Variants in TMEM132B observed in about 807,000 individuals in gnomAD.
TMEM132B encodes transmembrane protein 132B.
Under a neutral mutation model 90.8 loss-of-function variants are expected in TMEM132B, and 18 were observed. The ratio of observed to expected loss-of-function variants is 0.20; its 90% CI spans 0.14 to 0.29. The LOEUF is 0.29. TMEM132B is among the 10% of genes least tolerant of loss of function. TMEM132B has a pLI of 1.00. For missense variants in TMEM132B, 1,096 were observed against 1,326.8 expected, an observed-to-expected ratio of 0.83 and a Z score of 2.70; for synonymous variants, 504 against 523.3, an observed-to-expected ratio of 0.96 and a Z score of 0.50.
chr12:125,482,211 A>G (rs992368827), intron 3 of TMEM132B, among the ~76,000 whole-genome samples: 4 of 152,252 alleles, frequency 2.6e-5, no homozygotes, highest in African/African-American at 9.6e-5. Flanking sequence ...CTTCATGACT[A>G]AAACACCAAA....
chr12:125,231,597 G>A (rs1873825318), intron 1 of TMEM132B, among the ~76,000 whole-genome samples: 1 of 152,072 alleles, frequency 6.6e-6, no homozygotes, highest in Non-Finnish European at 1.5e-5. Context: ...TTTAGTGGTG[G>A]AACTCTTTTC....
At chr12:125,493,328 A>G (rs886147428) in intron 3 of TMEM132B, among the ~76,000 whole-genome samples, 1 of 152,152 alleles carries the variant, frequency 6.6e-6, no homozygotes, top group African/African-American at 2.4e-5. Flanking sequence ...TGCCCTCCAG[A>G]ATTTCCCAGG....
chr12:125,463,330 A>G (rs1881486716), intron 3 of TMEM132B, among the ~76,000 whole-genome samples: 1 of 152,172 alleles, frequency 6.6e-6, no homozygotes, highest in Admixed American at 6.5e-5. Context: ...TTTTATTGTC[A>G]CAATAGGGAT....
intron 1 of TMEM132B, among the ~76,000 whole-genome samples, chr12:125,320,901 G>A (rs1876410825): frequency 6.6e-6 from 1 of 152,128 alleles, no homozygotes; most frequent in African/African-American, 2.4e-5. Flanking sequence ...AATGTTTTTG[G>A]TAAATTTTCA....
Position 125,650,725 on chromosome 12 carries a change from G to C in TMEM132B, c.1686G>C (p.Lys562Asn). 6.2e-7 allele frequency: 1 copy of C among 1,613,032 alleles called. No homozygotes were observed. The highest frequency in any genetic ancestry group is 8.5e-7 in the Non-Finnish European group (1 of 1,179,018). Residue 562 changes from lysine to asparagine, a missense_variant, in exon 7 of 9, where the codon AAG becomes AAC. Lys to Asn is a moderately conservative substitution (Grantham distance 94). Transcript: ENST00000682704. ...ESDDEDDEEK[K>N]GRGCSLQYQH... ...ATGACGAGGACGATGAGGAGAAGAA[G>C]GGACGAGGCTGCTCCCTGCAGTACC...
intron 1 of TMEM132B, among the ~76,000 whole-genome samples, chr12:125,199,290 G>A (rs913539355): frequency 3.3e-5 from 5 of 152,210 alleles, no homozygotes; most frequent in African/African-American, 1.2e-4. Flanking sequence ...TGCTTGCAGG[G>A]CTGATGGAAA....
chr12:125,225,295 A>G (rs926835409), intron 1 of TMEM132B, among the ~76,000 whole-genome samples: 1 of 152,226 alleles, frequency 6.6e-6, no homozygotes, highest in African/African-American at 2.4e-5. Context: ...GACCAGCCGC[A>G]CCATTTGTAA....
Position 125,498,354 on chromosome 12 carries a change from G to A in TMEM132B, c.1107-21085G>A, listed in dbSNP as rs1435809288. ...TGCAATAAATCACTGTGTGTATGTGGATGGTGGGTGAGGGTGTGGAGAAAA... is the reference window on the plus strand; with the variant it reads ...TGCAATAAATCACTGTGTGTATGTGAATGGTGGGTGAGGGTGTGGAGAAAA... On this transcript the variant is annotated intron_variant, in intron 3 of 8. Coordinates refer to ENST00000682704, the MANE Select transcript of TMEM132B (RefSeq NM_001366854.1). This position sits in a 1 kb window ranked among gnomAD's most constrained non-coding sequence, Gnocchi z 4.5. Among the ~76,000 whole-genome samples the A allele has an allele frequency of 6.6e-6, 1 of 152,232 alleles. No homozygotes were observed. Among genetic ancestry groups the A allele is most frequent in the Non-Finnish European group, 1.5e-5 (1 of 68,044 alleles).
At chr12:125,327,084 C>T (rs1202673465) in intron 1 of TMEM132B, among the ~76,000 whole-genome samples, 2 of 151,988 alleles carry the variant, frequency 1.3e-5, no homozygotes, top group African/African-American at 4.8e-5. Context: ...ACCAAAGCCT[C>T]TCTCCACCAA....
At chr12:125,464,174 T>C (rs1248562363) in intron 3 of TMEM132B, among the ~76,000 whole-genome samples, 1 of 152,166 alleles carries the variant, frequency 6.6e-6, no homozygotes, top group African/African-American at 2.4e-5. Context: ...GTAAATAATA[T>C]TAACCTGATA....
In TMEM132B at chr12:125,266,873, G is replaced by A. The variant is rs188360626; in HGVS notation, c.67+80007G>A. 2.0e-4 allele frequency among the ~76,000 whole-genome samples: 31 copies of A among 152,300 alleles called. 1 individual carries two copies. In the South Asian group the frequency reaches 6.2e-3, roughly 31 times the overall value. Reference sequence around the variant, plus strand: ...CCTTGAAGTCATTTAATTTGAAAGCGAATGTGTCCCATGGCACTCTGGGCT... The same window carrying A: ...CCTTGAAGTCATTTAATTTGAAAGCAAATGTGTCCCATGGCACTCTGGGCT... On this transcript the variant is annotated intron_variant, in intron 1 of 8. Coordinates refer to ENST00000682704, the MANE Select transcript of TMEM132B (RefSeq NM_001366854.1).
chr12:125,339,655 G>C (rs1877108571), intron 1 of TMEM132B, among the ~76,000 whole-genome samples: 1 of 152,222 alleles, frequency 6.6e-6, no homozygotes, highest in South Asian at 2.1e-4. Context: ...AGGCATCCAA[G>C]TGTGGGTGTT....
intron 4 of TMEM132B, among the ~76,000 whole-genome samples, chr12:125,559,806 G>A (rs561655302): frequency 6.2e-4 from 95 of 152,276 alleles, no homozygotes; most frequent in African/African-American, 2.0e-3. Flanking sequence ...CTTTGTCTCC[G>A]ATTGACACAT....
At chr12:125,569,011 G>C (rs76851211) in intron 4 of TMEM132B, among the ~76,000 whole-genome samples, 2,474 of 152,292 alleles carry the variant, frequency 0.016, 68 homozygotes, top group African/African-American at 0.056. Context: ...GCGAGTCCCA[G>C]CTCAGCAGCT....
In TMEM132B at chr12:125,656,355, G is replaced by A. The variant is rs750311299; in HGVS notation, c.*1645G>A. On this transcript the variant is annotated 3_prime_UTR_variant, in exon 9 of 9. Coordinates refer to ENST00000682704, the MANE Select transcript of TMEM132B (RefSeq NM_001366854.1). ...TGATAACTGAGCTAATCCAAGGAGA[G>A]GCGTTCAGTTGTTCTCTTATTATAG... is the stretch of plus-strand genomic sequence containing the variant. 6 of 152,190 alleles carry A rather than the reference G, an allele frequency of 3.9e-5. No homozygotes were observed. The highest frequency in any genetic ancestry group is 7.3e-5 in the Non-Finnish European group (5 of 68,038). 9.4% of individuals were successfully genotyped at this position (152,190 alleles called of 1,614,324 possible). A position where few individuals can be genotyped will look rare whatever the true frequency, so the allele number is the denominator to read the frequency against.
At chr12:125,262,576 C>T (rs562919587) in intron 1 of TMEM132B, among the ~76,000 whole-genome samples, 18 of 152,304 alleles carry the variant, frequency 1.2e-4, no homozygotes, top group Admixed American at 1.0e-3. Context: ...TCACCACCAC[C>T]CCCTCTTGTC....
intron 3 of TMEM132B, among the ~76,000 whole-genome samples, chr12:125,435,128 A>G (rs1278132934): frequency 1.3e-5 from 2 of 152,070 alleles, no homozygotes; most frequent in Non-Finnish European, 2.9e-5. Flanking sequence ...TTGTTCCCTG[A>G]CATATCTTGC....
At position 125,349,103 on chromosome 12, in the gene TMEM132B, C is replaced by T. The variant is rs1000981540; in HGVS notation, c.68-349C>T. Among the ~76,000 whole-genome samples the T allele has an allele frequency of 3.9e-5, 6 of 152,116 alleles. No homozygotes were observed. The highest frequency in any genetic ancestry group is 1.2e-4 in the African/African-American group (5 of 41,408). Reference sequence around the variant, plus strand: ...GCCTGATTGGTAGACTTGGTAGGTACGCAACCTTTTATCTGTGGGGTAGAT... The same window carrying T: ...GCCTGATTGGTAGACTTGGTAGGTATGCAACCTTTTATCTGTGGGGTAGAT... On this transcript the variant is annotated intron_variant, in intron 1 of 8. Coordinates refer to ENST00000682704, the MANE Select transcript of TMEM132B (RefSeq NM_001366854.1). The surrounding 1 kb of genome is among the most constrained non-coding windows in gnomAD (Gnocchi z 4.1).
chr12:125,317,091 C>G (rs448192), intron 1 of TMEM132B, among the ~76,000 whole-genome samples: 111,928 of 151,986 alleles, frequency 0.74, 42,236 homozygotes, highest in African/African-American at 0.89. Context: ...GGACAGAACC[C>G]CTTGTTATCC....
Sources: allele counts gnomAD v4.1 joint callset (sites outside exome capture counted in the v4.1 genomes callset), GRCh38; gene constraint gnomAD v4.1.1; non-coding constraint Gnocchi (gnomAD v3.1); transcripts MANE v1.5; gene names NCBI Gene and HGNC (gene_info 2026-07-23, HGNC 2026-07-21).